Variants in C1orf167 observed in about 807,000 individuals in gnomAD.
C1orf167 encodes uncharacterized protein C1orf167.
A neutral mutation model predicts 176.5 loss-of-function variants in C1orf167; 153 were observed. The observed-to-expected ratio is 0.87, with a 90% confidence interval of 0.76 to 0.99. The LOEUF (loss-of-function observed/expected upper bound fraction) is 0.99, where lower values mean the gene tolerates loss of function less well. C1orf167 is among the 50% of genes least tolerant of loss of function. The pLI, the probability that C1orf167 is intolerant of heterozygous loss-of-function variation, is 0.00. For synonymous variants in C1orf167, 594 were observed against 752.7 expected, an observed-to-expected ratio of 0.79 and a Z score of 3.45; for missense variants, 1,490 against 1,817.7, an observed-to-expected ratio of 0.82 and a Z score of 3.28.
intron 19 of C1orf167, 91 bp from the exon 20 acceptor site, chr1:11,788,561 G>C: frequency 8.5e-7 from 1 of 1,175,534 alleles, no homozygotes; most frequent in East Asian, 5.8e-5. Context: ...TTTCACTCTG[G>C]TGCAGCAGTG....
intron 12 of C1orf167, chr1:11,779,483 C>T (rs574325360): frequency 3.1e-5 from 7 of 226,634 alleles, no homozygotes; most frequent in Non-Finnish European, 5.4e-5. Context: ...TGGCGAGGCA[C>T]GGCACATACA....
intron 8 of C1orf167, among the ~76,000 whole-genome samples, chr1:11,773,408 T>G (rs1274894497): frequency 6.6e-6 from 1 of 152,010 alleles, no homozygotes; most frequent in Non-Finnish European, 1.5e-5. Context: ...ATAAGGACTC[T>G]TTAGAAACAT....
In C1orf167 at chr1:11,768,218, G is replaced by A; in HGVS notation, c.1485G>A (p.Gln495=). Residue 495 remains glutamine, a synonymous_variant, in exon 5 of 21, where the codon CAG becomes CAA. Coordinates refer to ENST00000688073, the MANE Select transcript of C1orf167 (RefSeq NM_001010881.2). The surrounding 1 kb of genome is among the most constrained non-coding windows in gnomAD (Gnocchi z 4.5). ...AGGCCTTGTGGCTCCGGGAGGCTCA[G>A]CTGGAGGCAGCATGGGGGCAGTACA... is the stretch of plus-strand genomic sequence containing the variant. ...CLQALWLREA[Q]LEAAWGQYTK... is the part of the protein sequence containing the mutation. The A allele has an allele frequency of 7.8e-7, 1 of 1,289,782 alleles. No individual in the cohort carries two copies. The highest frequency in any genetic ancestry group is 1.0e-6 in the Non-Finnish European group (1 of 988,768). The allele number at this position is 1,289,782 out of a possible 1,614,324, so 79.9% of individuals were successfully genotyped here. A position where few individuals can be genotyped will look rare whatever the true frequency, so the allele number is the denominator to read the frequency against.
intron 8 of C1orf167, among the ~76,000 whole-genome samples, chr1:11,774,381 A>AT (rs1466472139): frequency 1.3e-5 from 2 of 152,050 alleles, no homozygotes; most frequent in African/African-American, 4.8e-5. Flanking sequence ...GCTCCCCTTC[A>AT]TTTTTTTGAT....
intron 15 of C1orf167, 125 bp from the exon 16 acceptor site, chr1:11,785,023 G>A: frequency 2.3e-6 from 2 of 853,674 alleles, no homozygotes; most frequent in South Asian, 1.9e-5. Flanking sequence ...GGGAGTGTGG[G>A]AGGTGGGTGG....
At chr1:11,775,738 T>TA (rs1463132988) in intron 9 of C1orf167, 128 bp downstream of exon 9, 2 of 1,152,806 alleles carry the variant, frequency 1.7e-6, no homozygotes, top group Admixed American at 6.4e-5. Context: ...GGGCAGCCTG[T>TA]AGGCCTGGGA....
rs1233683830 is a variant in C1orf167 at position 11,789,344 on chromosome 1, G to A, written c.4248G>A (p.Trp1416Ter). 1.5e-6 allele frequency: 2 copies of A among 1,304,008 alleles called. No homozygotes were observed. 80.8% of individuals were successfully genotyped at this position (1,304,008 alleles called of 1,614,324 possible). ...RRGAASSPRP[W>*]SKPGPKGPES... The stretch of plus-strand genomic sequence containing the variant: ...GAGCTGCCAGTAGCCCAAGACCCTG[G>A]AGCAAGCCAGGCCCCAAGGGCCCCG... Residue 1416 changes from tryptophan to a stop codon, truncating the protein, a stop_gained, in exon 21 of 21, where the codon TGG becomes TGA. Transcript: ENST00000688073. LOFTEE classifies it low-confidence loss of function (END_TRUNC).
chr1:11,784,949 G>T (rs755783695), intron 15 of C1orf167, among the ~76,000 whole-genome samples, 199 bp from the exon 16 acceptor site: 2 of 152,206 alleles, frequency 1.3e-5, no homozygotes, highest in African/African-American at 4.8e-5. Flanking sequence ...GCTTGTCCCC[G>T]TCTGTGATTT....
Position 11,766,386 on chromosome 1 carries a change from C to T in C1orf167, c.600C>T (p.Ser200=). 1 of 1,267,834 alleles carries T rather than the reference C, an allele frequency of 7.9e-7. No homozygotes were observed. Among genetic ancestry groups the T allele is most frequent in the Non-Finnish European group, 1.0e-6 (1 of 978,780 alleles). 78.5% of individuals were successfully genotyped at this position (1,267,834 alleles called of 1,614,324 possible). A position where few individuals can be genotyped will look rare whatever the true frequency, so the allele number is the denominator to read the frequency against. The change falls in exon 3 of 21, where the codon TCC becomes TCT. Residue 200 remains serine, a synonymous_variant. Coordinates refer to ENST00000688073, the MANE Select transcript of C1orf167 (RefSeq NM_001010881.2). This position sits in a 1 kb window ranked among gnomAD's most constrained non-coding sequence, Gnocchi z 4.5. The part of the protein sequence containing the change: ...LDGHTQPGLR[S]WGGLGSWRSR... ...GGCATACACAGCCAGGCCTCAGATC[C>T]TGGGGTGGTCTGGGGAGCTGGAGGT...
Position 11,787,435 on chromosome 1 carries a change from A to G in C1orf167, c.3615A>G (p.Pro1205=). Residue 1205 remains proline (P), a synonymous_variant, in exon 17 of 21, where the codon CCA becomes CCG. Coordinates refer to ENST00000688073, the MANE Select transcript of C1orf167 (RefSeq NM_001010881.2). ...TQATELVPPA[P]SLQCSLGGRR... ...CCACAGAGCTGGTGCCTCCCGCGCCATCACTGCAGTGCAGCCTGGGTGGAC... is the reference window on the plus strand; with the variant it reads ...CCACAGAGCTGGTGCCTCCCGCGCCGTCACTGCAGTGCAGCCTGGGTGGAC... 5.4e-6 allele frequency: 7 copies of G among 1,303,384 alleles called. No homozygotes were observed. The highest frequency in any genetic ancestry group is 7.1e-6 in the Non-Finnish European group (7 of 988,626). 80.7% of individuals were successfully genotyped at this position (1,303,384 alleles called of 1,614,324 possible). A position where few individuals can be genotyped will look rare whatever the true frequency, so the allele number is the denominator to read the frequency against.
chr1:11,764,507 G>C (rs1272088347), intron 2 of C1orf167, 37 bp downstream of exon 2: 1 of 1,283,818 alleles, frequency 7.8e-7, no homozygotes, highest in South Asian at 1.2e-5. Context: ...GCAGTTACAG[G>C]AGCAGGGCCC....
Position 11,784,247 on chromosome 1 carries a change from G to A in C1orf167, c.3079G>A (p.Gly1027Ser). Residue 1027 changes from glycine to serine, a missense_variant, in exon 15 of 21, where the codon GGC (glycine) becomes AGC (serine). Transcript: ENST00000688073. ...GGCCCAGCATCAAGCCTTTCAGGAT[G>A]GCCTGAGGAGAAGAGCACTGGGGGC... is the stretch of plus-strand genomic sequence containing the variant. ...LRAQHQAFQD[G>S]LRRRALGAVF... 1 of 1,299,294 alleles carries A rather than the reference G, an allele frequency of 7.7e-7. No homozygotes were observed. 80.5% of individuals were successfully genotyped at this position (1,299,294 alleles called of 1,614,324 possible). A position where few individuals can be genotyped will look rare whatever the true frequency, so the allele number is the denominator to read the frequency against.
rs1359535251 is a variant in C1orf167 at position 11,764,370 on chromosome 1, G to A, written c.-31G>A. On this transcript the variant is annotated 5_prime_UTR_variant, in exon 2 of 21. The change creates a new upstream start codon in the 5' untranslated region. Coordinates refer to ENST00000688073, the MANE Select transcript of C1orf167 (RefSeq NM_001010881.2). The stretch of plus-strand genomic sequence containing the variant: ...AACAGACCAGGCCACTCACTGTGGA[G>A]TGGACCAAGGATACTCCTGTCCCTG... 2 of 1,285,438 alleles carry A rather than the reference G, an allele frequency of 1.6e-6. No individual in the cohort carries two copies. Among genetic ancestry groups the A allele is most frequent in the Non-Finnish European group, 2.0e-6 (2 of 985,212 alleles). 79.6% of individuals were successfully genotyped at this position (1,285,438 alleles called of 1,614,324 possible).
rs1376553849 is a variant in C1orf167, at chr1:11,787,387, G to A, written c.3568-1G>A. ...GTGCTCCTCTCTGGCTATTCCTTCA[G>A]ACCCGCAGCTGCTGGACACAGGCCA... On this transcript the variant is annotated splice_acceptor_variant, in intron 16 of 20. Transcript: ENST00000688073. LOFTEE classifies it high-confidence loss of function. 3.1e-6 allele frequency: 4 copies of A among 1,290,616 alleles called. No homozygotes were observed. Among genetic ancestry groups the A allele is most frequent in the Non-Finnish European group, 3.1e-6 (3 of 981,798 alleles). The allele number at this position is 1,290,616 out of a possible 1,614,324, so 79.9% of individuals were successfully genotyped here. A position where few individuals can be genotyped will look rare whatever the true frequency, so the allele number is the denominator to read the frequency against.
At chr1:11,782,424 G>A in intron 14 of C1orf167, 91 bp downstream of exon 14, 2 of 1,121,964 alleles carry the variant, frequency 1.8e-6, no homozygotes, top group East Asian at 8.7e-5. Context: ...TCAGACGGTG[G>A]CCCAGATAGG....
At chr1:11,764,598 C>T (rs961040733) in intron 2 of C1orf167, 128 bp downstream of exon 2, 20 of 745,714 alleles carry the variant, frequency 2.7e-5, no homozygotes, top group South Asian at 4.8e-5. Context: ...CAGCCACCCA[C>T]GGTCGGCTGG....
At chr1:11,787,779 C>T in intron 17 of C1orf167, 94 bp from the exon 18 acceptor site, 1 of 1,175,916 alleles carries the variant, frequency 8.5e-7, no homozygotes, top group South Asian at 1.7e-5. Context: ...CCTTCCTCCA[C>T]CCTCCTCACT....
chr1:11,784,075 C>G (rs1229865555), intron 14 of C1orf167, 99 bp from the exon 15 acceptor site: 7 of 1,113,986 alleles, frequency 6.3e-6, no homozygotes, highest in Admixed American at 3.8e-5. Flanking sequence ...TCAGGCTGGT[C>G]TCAAACTGAC....
chr1:11,772,044 T>C lies in C1orf167; in HGVS notation c.1811-38T>C, dbSNP rs558875352. 9 of 1,275,420 alleles carry C rather than the reference T, an allele frequency of 7.1e-6. No homozygotes were observed. In the South Asian group the frequency reaches 9.1e-5, roughly 13 times the overall value. The allele number at this position is 1,275,420 out of a possible 1,614,324, so 79.0% of individuals were successfully genotyped here. A position where few individuals can be genotyped will look rare whatever the true frequency, so the allele number is the denominator to read the frequency against. ...CCTGGCTCAGATCCTCCCATCTGCT[T>C]ACTCTCTCTTTTCTCTCCCTCCTCC... On this transcript the variant is annotated intron_variant, in intron 7 of 20. Transcript: ENST00000688073.
Sources: gnomAD v4.1 joint callset for allele counts (sites outside exome capture counted in the v4.1 genomes callset) on GRCh38, gnomAD v4.1.1 for gene constraint, Gnocchi (gnomAD v3.1) non-coding constraint, MANE v1.5 for transcripts, NCBI Gene and HGNC (gene_info 2026-07-23, HGNC 2026-07-21) for gene names.